The following RIMS2 variants were observed in gnomAD, a reference collection of about 807,000 sequenced individuals.
RIMS2 encodes regulating synaptic membrane exocytosis 2, also known as regulating synaptic membrane exocytosis protein 2.
In RIMS2, 59 loss-of-function variants were observed where a neutral mutation model predicts 174.4. That is an observed-to-expected ratio of 0.34 (90% confidence interval 0.27 to 0.42). The LOEUF (loss-of-function observed/expected upper bound fraction) is 0.42. Ranked by LOEUF, RIMS2 falls within the 10% of genes least tolerant of loss-of-function variation. The pLI is 1.00. For synonymous variants in RIMS2, 606 were observed against 572.5 expected (o/e 1.06, Z -0.84); for missense variants, 1,620 against 1,666.3 (o/e 0.97, Z 0.48).
At chr8:103,532,666 T>C (rs929538495) in intron 1 of RIMS2, among the ~76,000 whole-genome samples, 1 of 152,218 alleles carries the variant, frequency 6.6e-6, no homozygotes, top group Non-Finnish European at 1.5e-5. Context: ...TGACTATATG[T>C]GGCACACTTG....
At chr8:103,576,677 C>G (rs751174619) in intron 1 of RIMS2, among the ~76,000 whole-genome samples, 2 of 152,178 alleles carry the variant, frequency 1.3e-5, no homozygotes, top group African/African-American at 4.8e-5. Context: ...TCAAACTATA[C>G]TACAAGGCTA....
intron 15 of RIMS2, among the ~76,000 whole-genome samples, chr8:103,974,838 C>T (rs1213664681): frequency 1.3e-5 from 2 of 151,886 alleles, no homozygotes; most frequent in African/African-American, 4.8e-5. Flanking sequence ...TAGTGAGACC[C>T]CCATCTCATT....
chr8:103,757,161 T>G (rs909513258), intron 2 of RIMS2, among the ~76,000 whole-genome samples: 1 of 152,190 alleles, frequency 6.6e-6, no homozygotes, highest in African/African-American at 2.4e-5. Context: ...CTCTTACCTT[T>G]GATTCTTAAA....
intron 2 of RIMS2, among the ~76,000 whole-genome samples, chr8:103,756,522 C>T (rs1408052356): frequency 6.6e-6 from 1 of 151,486 alleles, no homozygotes; most frequent in African/African-American, 2.4e-5. Flanking sequence ...GCAGCCTTGA[C>T]CTGCTGGGCT....
intron 1 of RIMS2, among the ~76,000 whole-genome samples, chr8:103,614,410 T>C (rs980905359): frequency 1.3e-5 from 2 of 152,242 alleles, no homozygotes; most frequent in Non-Finnish European, 2.9e-5. Context: ...GCTAGTGCAT[T>C]GGAGAGGTGT....
intron 1 of RIMS2, among the ~76,000 whole-genome samples, chr8:103,516,365 C>T (rs562427786): frequency 1.3e-5 from 2 of 152,162 alleles, no homozygotes; most frequent in South Asian, 2.1e-4. Context: ...AAATTTCATA[C>T]TTGTACTCAT....
intron 3 of RIMS2, among the ~76,000 whole-genome samples, chr8:103,772,553 A>C (rs1422676439): frequency 6.6e-6 from 1 of 152,154 alleles, no homozygotes; most frequent in Non-Finnish European, 1.5e-5. Flanking sequence ...GTGTACAGGG[A>C]TCATACAACT....
Position 103,921,799 on chromosome 8 carries a change from C to A in RIMS2, c.2196+15C>A, listed in dbSNP as rs371509625. 4 of 964,658 alleles carry A rather than the reference C, an allele frequency of 4.1e-6. No homozygotes were observed. The South Asian group carries it at 5.5e-5, about 13-fold the overall frequency. The allele number at this position is 964,658 out of a possible 1,614,324, so 59.8% of individuals were successfully genotyped here. ...GACAACTTTCAGTATGTAGTCATTA[C>A]GTTTACTCTTCTTTTTGGAATATCA... On this transcript the variant is annotated intron_variant, in intron 10 of 23. Coordinates refer to ENST00000504942, the Ensembl canonical transcript of RIMS2.
intron 19 of RIMS2, among the ~76,000 whole-genome samples, chr8:104,104,819 G>A (rs1435635293): frequency 1.3e-5 from 2 of 151,382 alleles, no homozygotes; most frequent in Admixed American, 1.3e-4. Context: ...GGCAAAGGCT[G>A]CAGTGAGCTG....
At chr8:104,034,127 A>G (rs1371723474) in intron 19 of RIMS2, among the ~76,000 whole-genome samples, 1 of 152,170 alleles carries the variant, frequency 6.6e-6, no homozygotes, top group Non-Finnish European at 1.5e-5. Context: ...TGAGATGGAA[A>G]GTTGGCTGTG....
At chr8:103,578,842 A>T (rs2132681138) in intron 1 of RIMS2, among the ~76,000 whole-genome samples, 1 of 152,052 alleles carries the variant, frequency 6.6e-6, no homozygotes, top group East Asian at 1.9e-4. Flanking sequence ...ATACAAAAAA[A>T]TTAGCCGGGC....
At chr8:103,888,574 A>G (rs563328299) in intron 4 of RIMS2, among the ~76,000 whole-genome samples, 1 of 151,710 alleles carries the variant, frequency 6.6e-6, no homozygotes, top group East Asian at 1.9e-4. Context: ...TTGCTAAAGT[A>G]ATGCCTTCAC....
intron 14 of RIMS2, among the ~76,000 whole-genome samples, chr8:103,948,713 G>T (rs1479980673): frequency 6.6e-6 from 1 of 152,018 alleles, no homozygotes; most frequent in Admixed American, 6.6e-5. Context: ...ATCTTTTGGG[G>T]GTGAAGGAGA....
At chr8:103,646,245 C>T (rs796190066) in intron 1 of RIMS2, among the ~76,000 whole-genome samples, 23 of 152,218 alleles carry the variant, frequency 1.5e-4, no homozygotes, top group African/African-American at 5.1e-4. Flanking sequence ...GATGGCTTAA[C>T]TTGGGCTCAG....
intron 3 of RIMS2, among the ~76,000 whole-genome samples, chr8:103,843,319 C>G (rs2098951014): frequency 6.6e-6 from 1 of 152,142 alleles, no homozygotes. Flanking sequence ...CTATCTTGCC[C>G]TTGTTGGATT....
intron 1 of RIMS2, among the ~76,000 whole-genome samples, chr8:103,520,711 A>G (rs948775621): frequency 3.3e-5 from 5 of 152,130 alleles, no homozygotes; most frequent in Admixed American, 1.3e-4. Flanking sequence ...TAGTTTGAGA[A>G]GTATGTATTT....
intron 1 of RIMS2, among the ~76,000 whole-genome samples, chr8:103,594,634 G>A (rs1404656867): frequency 6.6e-6 from 1 of 151,740 alleles, no homozygotes; most frequent in South Asian, 2.1e-4. Context: ...AGAATCAACT[G>A]TATTTGTGTT....
At chr8:104,243,605 G>A (rs1165987166) in intron 19 of RIMS2, among the ~76,000 whole-genome samples, 1 of 152,094 alleles carries the variant, frequency 6.6e-6, no homozygotes, top group Non-Finnish European at 1.5e-5. Context: ...AGAATCACTT[G>A]AACCCGGGAG....
chr8:104,108,100 T>C (rs16870935), intron 19 of RIMS2, among the ~76,000 whole-genome samples: 35,179 of 152,030 alleles, frequency 0.23, 4,459 homozygotes, highest in East Asian at 0.58. Context: ...TTTACTGATA[T>C]ATGATGAATA....
Sources: gnomAD v4.1 joint callset for allele counts (sites outside exome capture counted in the v4.1 genomes callset) on GRCh38, gnomAD v4.1.1 for gene constraint, MANE v1.5 for transcripts, NCBI Gene and HGNC (gene_info 2026-07-23, HGNC 2026-07-21) for gene names.